Variants in CAMKMT observed in about 807,000 individuals in gnomAD.
CAMKMT encodes the protein CaM KMT.
In CAMKMT, 53 loss-of-function variants were observed where a neutral mutation model predicts 48.0. That is an observed-to-expected ratio of 1.10 (90% CI 0.89 to 1.39). CAMKMT has a LOEUF of 1.39. Ranked by LOEUF, CAMKMT falls within the 40% of genes most tolerant of loss-of-function variation. The pLI is 0.00. For synonymous variants in CAMKMT, 165 were observed against 152.3 expected (o/e 1.08, Z -0.61); for missense variants, 428 against 402.7 (o/e 1.06, Z -0.54).
chr2:44,719,412 G>A (rs1342860778), intron 7 of CAMKMT, among the ~76,000 whole-genome samples: 1 of 152,096 alleles, frequency 6.6e-6, no homozygotes, highest in African/African-American at 2.4e-5. Context: ...ACCACCTTCT[G>A]TTTGCCAAGT....
chr2:44,587,085 A>G (rs560816255), intron 3 of CAMKMT, among the ~76,000 whole-genome samples: 1 of 152,182 alleles, frequency 6.6e-6, no homozygotes, highest in South Asian at 2.1e-4. Context: ...TCTTTGGTTG[A>G]GTGTGTATTC....
At position 44,622,349 on chromosome 2, in the gene CAMKMT, C is replaced by T. The variant is rs548994291; in HGVS notation, c.377-81934C>T. Among the ~76,000 whole-genome samples the T allele has an allele frequency of 2.0e-5, 3 of 152,168 alleles. No individual in the cohort carries two copies. The South Asian group carries it at 6.2e-4, about 32-fold the overall frequency. ...TTTATTTACTTTTTCTTTTAAAAAA[C>T]ATTTATTTTAGATTCTGGGGAGTAT... On this transcript the variant is annotated intron_variant, in intron 3 of 10. Transcript: ENST00000378494.
At chr2:44,727,074 T>C (rs1016845755) in intron 7 of CAMKMT, among the ~76,000 whole-genome samples, 11 of 152,130 alleles carry the variant, frequency 7.2e-5, no homozygotes, top group Non-Finnish European at 4.4e-5. Context: ...TTGTTCTTTT[T>C]GCTCAGGATT....
rs2104065128 is a variant in CAMKMT, at chr2:44,657,097, G to A, written c.377-47186G>A. Among the ~76,000 whole-genome samples the A allele has an allele frequency of 6.6e-6, 1 of 152,308 alleles. No individual in the cohort carries two copies. The highest frequency in any genetic ancestry group is 2.1e-4 in the South Asian group (1 of 4,822). On this transcript the variant is annotated intron_variant, in intron 3 of 10. Coordinates refer to ENST00000378494, the MANE Select transcript of CAMKMT (RefSeq NM_024766.5). This position sits in a 1 kb window ranked among gnomAD's most constrained non-coding sequence, Gnocchi z 4.3. ...TATCCTTCAGATATCTGAGGATACA[G>A]GCAGTTGCTAATTTGTTCTAATGTG...
At chr2:44,593,415 G>T (rs960306376) in intron 3 of CAMKMT, among the ~76,000 whole-genome samples, 1 of 152,104 alleles carries the variant, frequency 6.6e-6, no homozygotes, top group Non-Finnish European at 1.5e-5. Flanking sequence ...ACTCTTTGCA[G>T]CTCTGTACTC....
rs537110712 is a variant in CAMKMT, at chr2:44,525,379, C to T, written c.376+135074C>T. 3.0e-3 allele frequency among the ~76,000 whole-genome samples: 458 copies of T among 152,096 alleles called. 1 individual carries two copies. The highest frequency in any genetic ancestry group is 0.011 in the African/African-American group (441 of 41,480). ...CAAGCAATTCTCCTGCCTCAGCCTC[C>T]GAGTAGCTGGGACTACAGGTGCTTG... On this transcript the variant is annotated intron_variant, in intron 3 of 10. Coordinates refer to ENST00000378494, the MANE Select transcript of CAMKMT (RefSeq NM_024766.5).
At chr2:44,370,995 T>A (rs1679120460) in intron 1 of CAMKMT, among the ~76,000 whole-genome samples, 2 of 152,110 alleles carry the variant, frequency 1.3e-5, no homozygotes, top group Admixed American at 6.6e-5. Flanking sequence ...TATTTTAAAA[T>A]TTTTTTGAGG....
At chr2:44,696,955 G>A (rs938130573) in intron 3 of CAMKMT, among the ~76,000 whole-genome samples, 3 of 152,094 alleles carry the variant, frequency 2.0e-5, no homozygotes, top group Admixed American at 2.0e-4. Context: ...AAAAAGGTTA[G>A]AAGATAAAGT....
At chr2:44,597,896 T>C (rs1558733600) in intron 3 of CAMKMT, among the ~76,000 whole-genome samples, 1 of 151,894 alleles carries the variant, frequency 6.6e-6, no homozygotes, top group African/African-American at 2.4e-5. Flanking sequence ...ACCACCACCC[T>C]GGGCTAATTT....
rs1272034243 is a variant in CAMKMT, at chr2:44,653,527, A to T, written c.377-50756A>T. On this transcript the variant is annotated intron_variant, in intron 3 of 10. Transcript: ENST00000378494. The surrounding 1 kb of genome is among the most constrained non-coding windows in gnomAD (Gnocchi z 5.2). ...CCAGAGCATTTGTAGCAGAGCTAGG[A>T]CTAGACTTCACCTCTTTAGAGCCCA... Among the ~76,000 whole-genome samples, 1 of 152,154 alleles carries T rather than the reference A, an allele frequency of 6.6e-6. No homozygotes were observed. Among genetic ancestry groups the T allele is most frequent in the Non-Finnish European group, 1.5e-5 (1 of 68,022 alleles).
chr2:44,688,624 C>A (rs1676468749), intron 3 of CAMKMT, among the ~76,000 whole-genome samples: 1 of 151,990 alleles, frequency 6.6e-6, no homozygotes, highest in African/African-American at 2.4e-5. Flanking sequence ...GCCCTACTTA[C>A]CATGTAAATT....
chr2:44,537,181 A>G (rs78643053), intron 3 of CAMKMT, among the ~76,000 whole-genome samples: 12,632 of 152,282 alleles, frequency 0.083, 624 homozygotes, highest in Admixed American at 0.17. Context: ...ATTAAACTAA[A>G]AAGCCTCTGC....
At chr2:44,565,346 T>C (rs533438634) in intron 3 of CAMKMT, among the ~76,000 whole-genome samples, 51 of 152,344 alleles carry the variant, frequency 3.3e-4, no homozygotes, top group African/African-American at 1.2e-3. Flanking sequence ...AAGATGTAGC[T>C]GTAAAGCTTT....
At chr2:44,373,680 G>C (rs786612) in intron 2 of CAMKMT, among the ~76,000 whole-genome samples, 80,959 of 151,930 alleles carry the variant, frequency 0.53, 23,779 homozygotes, top group Non-Finnish European at 0.67. Flanking sequence ...TTTCACAAAG[G>C]GTATCTTTTT....
chr2:44,598,525 T>A (rs1456444353), intron 3 of CAMKMT, among the ~76,000 whole-genome samples: 1 of 151,516 alleles, frequency 6.6e-6, no homozygotes, highest in East Asian at 1.9e-4. Context: ...CTTCAATGAG[T>A]CACTAATGAA....
chr2:44,747,306 A>G (rs1479412736), intron 8 of CAMKMT, among the ~76,000 whole-genome samples: 1 of 152,210 alleles, frequency 6.6e-6, no homozygotes, highest in East Asian at 1.9e-4. Flanking sequence ...TTCCCTCAAA[A>G]TGGAAATACT....
intron 3 of CAMKMT, among the ~76,000 whole-genome samples, chr2:44,538,000 CAT>C (rs1405570285): frequency 3.9e-5 from 6 of 152,176 alleles, no homozygotes; most frequent in South Asian, 2.1e-4. Flanking sequence ...CACATGCACA[CAT>C]GTGTTTATAG....
intron 3 of CAMKMT, among the ~76,000 whole-genome samples, chr2:44,475,382 A>G (rs371082140): frequency 1.1e-4 from 17 of 150,364 alleles, no homozygotes; most frequent in Admixed American, 3.3e-4. Flanking sequence ...CAGTGGCGTC[A>G]TCTTGGCTCA....
At chr2:44,459,770 G>A (rs1239139626) in intron 3 of CAMKMT, among the ~76,000 whole-genome samples, 1 of 152,110 alleles carries the variant, frequency 6.6e-6, no homozygotes, top group East Asian at 1.9e-4. Flanking sequence ...AAAAGTTCAG[G>A]GGGCATTTGT....
Sources: allele counts gnomAD v4.1 joint callset (sites outside exome capture counted in the v4.1 genomes callset), GRCh38; gene constraint gnomAD v4.1.1; non-coding constraint Gnocchi (gnomAD v3.1); transcripts MANE v1.5; gene names NCBI Gene and HGNC (gene_info 2026-07-23, HGNC 2026-07-21).